EPHB1: variants seen among roughly 807,000 people sequenced by gnomAD.
EPHB1 encodes EPH receptor B1.
EPHB1 carries 30 observed loss-of-function variants against 94.4 expected under a neutral mutation model. That is an observed-to-expected ratio of 0.32 (90% CI 0.24 to 0.43). The LOEUF is 0.43. Among genes scored for constraint, EPHB1 ranks in the 20% least tolerant of loss-of-function variants. The pLI, the probability that EPHB1 is intolerant of heterozygous loss-of-function variation, is 1.00. For synonymous variants in EPHB1, 522 were observed against 489.1 expected, an observed-to-expected ratio of 1.07 and a Z score of -0.89; for missense variants, 1,055 against 1,308.3, an observed-to-expected ratio of 0.81 and a Z score of 2.99.
intron 3 of EPHB1, among the ~76,000 whole-genome samples, chr3:135,010,558 GTTT>G (rs58579496): frequency 0.01 from 1,134 of 110,358 alleles, 21 homozygotes; most frequent in African/African-American, 0.029. Context: ...ATTTTTTTCT[GTTT>G]TTTTTTTTTT....
At chr3:134,831,339 G>A (rs1032773676) in intron 1 of EPHB1, among the ~76,000 whole-genome samples, 4 of 152,160 alleles carry the variant, frequency 2.6e-5, no homozygotes, top group Admixed American at 6.5e-5. Context: ...CTGATCCCAC[G>A]ATTCTAGAAC....
At chr3:134,963,645 C>T (rs1022442180) in intron 3 of EPHB1, among the ~76,000 whole-genome samples, 1 of 151,948 alleles carries the variant, frequency 6.6e-6, no homozygotes, top group African/African-American at 2.4e-5. Flanking sequence ...TTGAAGATAC[C>T]GAGGCACCGA....
At chr3:135,183,210 CCCTT>C (rs1413047893) in intron 10 of EPHB1, among the ~76,000 whole-genome samples, 2 of 122,492 alleles carry the variant, frequency 1.6e-5, no homozygotes, top group African/African-American at 5.3e-5. Context: ...CTCCCTCCCT[CCCTT>C]CCTCCCTCCC....
At chr3:134,844,506 G>A (rs981609441) in intron 1 of EPHB1, among the ~76,000 whole-genome samples, 1 of 152,140 alleles carries the variant, frequency 6.6e-6, no homozygotes, top group Non-Finnish European at 1.5e-5. Context: ...CTCACCTGCT[G>A]AGCACATCAC....
chr3:135,245,937 C>A (rs1054447869), intron 13 of EPHB1, among the ~76,000 whole-genome samples: 3 of 152,046 alleles, frequency 2.0e-5, no homozygotes, highest in African/African-American at 7.3e-5. Context: ...TGCATGGGTC[C>A]CCATTCTCTT....
chr3:135,205,903 C>T (rs1180262361), intron 12 of EPHB1, among the ~76,000 whole-genome samples: 2 of 152,090 alleles, frequency 1.3e-5, no homozygotes, highest in Non-Finnish European at 2.9e-5. Flanking sequence ...GAGTAAAACT[C>T]ACAAGTCTCA....
At chr3:135,079,275 G>A (rs1486053781) in intron 3 of EPHB1, among the ~76,000 whole-genome samples, 1 of 152,164 alleles carries the variant, frequency 6.6e-6, no homozygotes, top group Non-Finnish European at 1.5e-5. Flanking sequence ...CATATTTCTG[G>A]GCCTATGCCT....
chr3:134,839,769 C>T (rs1332947314), intron 1 of EPHB1, among the ~76,000 whole-genome samples: 1 of 152,120 alleles, frequency 6.6e-6, no homozygotes, highest in Non-Finnish European at 1.5e-5. Flanking sequence ...TATTAGGAAG[C>T]CCAACTGCAT....
chr3:134,808,339 A>T (rs2036108017), intron 1 of EPHB1, among the ~76,000 whole-genome samples: 1 of 152,154 alleles, frequency 6.6e-6, no homozygotes, highest in African/African-American at 2.4e-5. Flanking sequence ...GGGTGATTGA[A>T]ATACACTCAT....
intron 4 of EPHB1, among the ~76,000 whole-genome samples, chr3:135,111,086 T>C (rs889276379): frequency 7.2e-5 from 11 of 152,172 alleles, no homozygotes; most frequent in African/African-American, 2.7e-4. Context: ...TTGGTGGCCA[T>C]AGAGCATTGT....
At position 134,959,966 on chromosome 3, in the gene EPHB1, C is replaced by CTTTTT. The variant is rs61369813; in HGVS notation, c.805+7952_805+7956dup. Among the ~76,000 whole-genome samples the CTTTTT allele has an allele frequency of 1.4e-3, 153 of 107,396 alleles. 16 individuals are homozygous for CTTTTT. The highest frequency in any genetic ancestry group is 4.1e-3 in the East Asian group (10 of 2,420). The allele number at this position is 107,396 out of a possible 152,430, so 70.5% of individuals were successfully genotyped here. A position where few individuals can be genotyped will look rare whatever the true frequency, so the allele number is the denominator to read the frequency against. On this transcript the variant is annotated intron_variant, in intron 3 of 15. Transcript: ENST00000398015. Reference sequence around the variant, plus strand: ...AGAATTTGAGCACAAACATCTGCACCTTTTTTTTTTTTTTTTTTTTTTTTT... The same window carrying CTTTTT: ...AGAATTTGAGCACAAACATCTGCACCTTTTTTTTTTTTTTTTTTTTTTTTTTTTTT...
intron 12 of EPHB1, among the ~76,000 whole-genome samples, chr3:135,236,978 C>T (rs1303841974): frequency 1.3e-5 from 2 of 152,242 alleles, no homozygotes; most frequent in Non-Finnish European, 2.9e-5. Context: ...GTAACCTCAC[C>T]GTGGCAAGAC....
At chr3:135,154,450 C>G in intron 6 of EPHB1, 174 bp downstream of exon 6, 2 of 851,106 alleles carry the variant, frequency 2.3e-6, no homozygotes, top group Admixed American at 3.0e-5. Context: ...AAGCCTTGTT[C>G]AAAGCCCAGG....
chr3:135,189,782 A>G (rs140532760), intron 10 of EPHB1, among the ~76,000 whole-genome samples: 344 of 152,316 alleles, frequency 2.3e-3, no homozygotes, highest in Non-Finnish European at 4.0e-3. Flanking sequence ...CACCTGGAGC[A>G]CTTTTCCAAA....
intron 15 of EPHB1, among the ~76,000 whole-genome samples, chr3:135,253,242 T>C (rs1400843312): frequency 1.5e-4 from 22 of 151,396 alleles, no homozygotes; most frequent in Non-Finnish European, 2.8e-4. Context: ...CAATTTTGGC[T>C]TTTGTTGCCA....
At chr3:135,013,617 T>C (rs1935693277) in intron 3 of EPHB1, among the ~76,000 whole-genome samples, 1 of 152,212 alleles carries the variant, frequency 6.6e-6, no homozygotes, top group Admixed American at 6.5e-5. Context: ...TTCAGTGGTT[T>C]ATAGTCCATA....
intron 3 of EPHB1, among the ~76,000 whole-genome samples, chr3:134,978,828 A>T (rs936288018): frequency 1.3e-5 from 2 of 152,202 alleles, no homozygotes; most frequent in Non-Finnish European, 2.9e-5. Context: ...AGCTATTAGG[A>T]GAAACTCACC....
chr3:135,171,675 G>A (rs1195791899), intron 9 of EPHB1, among the ~76,000 whole-genome samples: 2 of 152,194 alleles, frequency 1.3e-5, no homozygotes, highest in Non-Finnish European at 2.9e-5. Context: ...TGAAAAAAAT[G>A]AGTTAGTTGA....
intron 1 of EPHB1, among the ~76,000 whole-genome samples, chr3:134,845,138 A>G (rs1003092366): frequency 6.6e-6 from 1 of 152,390 alleles, no homozygotes; most frequent in Admixed American, 6.5e-5. Context: ...GCTTTGGGTC[A>G]GTAGAATGCT....
Sources: gnomAD v4.1 joint callset for allele counts (sites outside exome capture counted in the v4.1 genomes callset) on GRCh38, gnomAD v4.1.1 for gene constraint, MANE v1.5 for transcripts, NCBI Gene and HGNC (gene_info 2026-07-23, HGNC 2026-07-21) for gene names.